Variants in CEP85L observed in about 807,000 individuals in gnomAD.
CEP85L encodes the protein centrosomal protein of 85 kDa-like.
A neutral mutation model predicts 100.3 loss-of-function variants in CEP85L; 60 were observed. The ratio of observed to expected loss-of-function variants is 0.60; its 90% CI spans 0.49 to 0.74. CEP85L has a LOEUF of 0.74. Ranked by LOEUF, CEP85L falls within the 30% of genes least tolerant of loss-of-function variation. CEP85L has a pLI of 0.00. For synonymous variants in CEP85L, 319 were observed against 322.7 expected (o/e 0.99, Z 0.12); for missense variants, 973 against 936.2 (o/e 1.04, Z -0.51).
At chr6:118,504,031 T>C (rs775436671) in intron 5 of CEP85L, among the ~76,000 whole-genome samples, 4 of 152,120 alleles carry the variant, frequency 2.6e-5, no homozygotes, top group Non-Finnish European at 4.4e-5. Flanking sequence ...TTGTAAAAGA[T>C]GCATCTGATC....
Position 118,649,736 on chromosome 6 carries a change from G to A in CEP85L, c.73+1461C>T, listed in dbSNP as rs1400287096. ...CTTAGGACAAATAACATACAATTTA[G>A]AAAAAAAAAATCCCTACTTAATACT... On this transcript the variant is annotated intron_variant, in intron 1 of 12. Transcript: ENST00000368491. 2.7e-5 allele frequency among the ~76,000 whole-genome samples: 4 copies of A among 150,534 alleles called. No homozygotes were observed. In the East Asian group the frequency reaches 5.8e-4, roughly 22 times the overall value.
chr6:118,497,214 T>C (rs1448836029), intron 5 of CEP85L, among the ~76,000 whole-genome samples: 3 of 152,222 alleles, frequency 2.0e-5, no homozygotes, highest in African/African-American at 7.2e-5. Flanking sequence ...CAAGTCTCCA[T>C]ACATTTTGGA....
At position 118,465,214 on chromosome 6, in the gene CEP85L, T is replaced by G; in HGVS notation, c.*191A>C. 1 of 481,146 alleles carries G rather than the reference T, an allele frequency of 2.1e-6. No homozygotes were observed. Among genetic ancestry groups the G allele is most frequent in the Non-Finnish European group, 3.6e-6 (1 of 275,798 alleles). The allele number at this position is 481,146 out of a possible 1,614,324, so 29.8% of individuals were successfully genotyped here. Reference sequence around the variant, plus strand: ...TCATATTTTCCAAAGGTAATTTGATTTTTTTTCTTTTTGCCTGATTAGATA... The same window carrying G: ...TCATATTTTCCAAAGGTAATTTGATGTTTTTTCTTTTTGCCTGATTAGATA... On this transcript the variant is annotated 3_prime_UTR_variant, in exon 13 of 13. Coordinates refer to ENST00000368491, the MANE Select transcript of CEP85L (RefSeq NM_001042475.3).
chr6:118,500,333 A>C lies in CEP85L; in HGVS notation c.1258-8468T>G, dbSNP rs146520735. Reference sequence around the variant, plus strand: ...TGGTGGCTATATGATCAAACAGCAAACTATTTATCATGAACGCAGGACGTG... The same window carrying C: ...TGGTGGCTATATGATCAAACAGCAACCTATTTATCATGAACGCAGGACGTG... On this transcript the variant is annotated intron_variant, in intron 5 of 12. Coordinates refer to ENST00000368491, the MANE Select transcript of CEP85L (RefSeq NM_001042475.3). Among the ~76,000 whole-genome samples, 288 of 149,716 alleles carry C rather than the reference A, an allele frequency of 1.9e-3. 1 individual carries two copies. Among genetic ancestry groups the C allele is most frequent in the African/African-American group, 6.8e-3 (276 of 40,620 alleles).
chr6:118,551,041 T>C (rs1231251911), intron 3 of CEP85L, among the ~76,000 whole-genome samples: 1 of 151,886 alleles, frequency 6.6e-6, no homozygotes, highest in African/African-American at 2.4e-5. Flanking sequence ...ATTTGTTTCA[T>C]TGCTAAAATA....
At chr6:118,542,911 A>AC (rs201217828) in intron 3 of CEP85L, among the ~76,000 whole-genome samples, 13,556 of 147,188 alleles carry the variant, frequency 0.092, 984 homozygotes, top group East Asian at 0.19. Context: ...AAAAAAAAAA[A>AC]AAAAAAAAAA....
In CEP85L at chr6:118,651,365, T is replaced by C; in HGVS notation, c.-96A>G. ...CGGAAACTTGCGCGGAGCGTGGGCC[T>C]CGGCGACACGGGCAGGAGGAAAGGC... On this transcript the variant is annotated 5_prime_UTR_variant, in exon 1 of 13. Transcript: ENST00000368491. 7.3e-7 allele frequency: 1 copy of C among 1,372,616 alleles called. No homozygotes were observed. The highest frequency in any genetic ancestry group is 9.4e-7 in the Non-Finnish European group (1 of 1,064,304). The allele number at this position is 1,372,616 out of a possible 1,614,324, so 85.0% of individuals were successfully genotyped here. A position where few individuals can be genotyped will look rare whatever the true frequency, so the allele number is the denominator to read the frequency against.
chr6:118,692,978 G>T (rs1254982461), intron 1 of CEP85L, among the ~76,000 whole-genome samples: 1 of 152,082 alleles, frequency 6.6e-6, no homozygotes, highest in Non-Finnish European at 1.5e-5. Flanking sequence ...GATTAGAATT[G>T]GGCCTAAAAA....
chr6:118,588,798 C>A (rs1161175619), intron 2 of CEP85L, among the ~76,000 whole-genome samples: 2 of 152,124 alleles, frequency 1.3e-5, no homozygotes, highest in Non-Finnish European at 2.9e-5. Context: ...CAAACCAAAC[C>A]ACACATGGAC....
chr6:118,662,333 C>G (rs920501745), intron 1 of CEP85L, among the ~76,000 whole-genome samples: 1 of 151,928 alleles, frequency 6.6e-6, no homozygotes, highest in South Asian at 2.1e-4. Context: ...AGTTCGAGAC[C>G]AGCCTGGCCA....
intron 5 of CEP85L, among the ~76,000 whole-genome samples, chr6:118,498,107 A>T (rs1775036548): frequency 6.6e-6 from 1 of 152,198 alleles, no homozygotes; most frequent in African/African-American, 2.4e-5. Flanking sequence ...ATTAGTTATA[A>T]ATGTAAATGA....
At chr6:118,675,513 C>A (rs1236573021) in intron 1 of CEP85L, among the ~76,000 whole-genome samples, 1 of 151,474 alleles carries the variant, frequency 6.6e-6, no homozygotes, top group East Asian at 1.9e-4. Flanking sequence ...AAAAAACTAT[C>A]AATCATTTAA....
chr6:118,695,073 G>A (rs1257607027), intron 1 of CEP85L, among the ~76,000 whole-genome samples: 1 of 152,092 alleles, frequency 6.6e-6, no homozygotes, highest in Non-Finnish European at 1.5e-5. Context: ...CTAATCATTA[G>A]AAGCAACACC....
At chr6:118,605,215 G>C (rs1235317267) in intron 2 of CEP85L, among the ~76,000 whole-genome samples, 1 of 152,148 alleles carries the variant, frequency 6.6e-6, no homozygotes. Flanking sequence ...ATCCCCAAAA[G>C]GAGGGAAATA....
chr6:118,500,355 C>G (rs184959929), intron 5 of CEP85L, among the ~76,000 whole-genome samples: 1 of 120,878 alleles, frequency 8.3e-6, no homozygotes, highest in Non-Finnish European at 1.9e-5. Context: ...GAACGCAGGA[C>G]GTGGGCAAAC....
Position 118,536,526 on chromosome 6 carries a change from G to T in CEP85L, c.1021-12606C>A, listed in dbSNP as rs376727314. ...CTTTATTTCACTTTCTACCTTAGAA[G>T]AAGTATTGAAGGGAAATAAAGGCCT... On this transcript the variant is annotated intron_variant, in intron 3 of 12. Transcript: ENST00000368491. Among the ~76,000 whole-genome samples, 19 of 152,240 alleles carry T rather than the reference G, an allele frequency of 1.2e-4. No homozygotes were observed. In the East Asian group the frequency reaches 2.3e-3, roughly 19 times the overall value.
intron 2 of CEP85L, among the ~76,000 whole-genome samples, chr6:118,571,882 G>A (rs1333390913): frequency 2.0e-5 from 3 of 152,082 alleles, no homozygotes; most frequent in African/African-American, 7.2e-5. Flanking sequence ...CTTGGAGACA[G>A]TTTTGCTCTT....
At chr6:118,488,353 C>T (rs1774331276) in intron 6 of CEP85L, among the ~76,000 whole-genome samples, 1 of 151,638 alleles carries the variant, frequency 6.6e-6, no homozygotes. Flanking sequence ...AAATACTTTA[C>T]CAAACAAATC....
chr6:118,502,887 A>G, intron 5 of CEP85L: 1 of 531,880 alleles, frequency 1.9e-6, no homozygotes, highest in Non-Finnish European at 3.5e-6. Context: ...TTAACAGAAG[A>G]TCTTGAAGAA....
Sources: allele counts gnomAD v4.1 joint callset (sites outside exome capture counted in the v4.1 genomes callset), GRCh38; gene constraint gnomAD v4.1.1; transcripts MANE v1.5; gene names NCBI Gene and HGNC (gene_info 2026-07-23, HGNC 2026-07-21).